The following KCNMA1 variants were observed in gnomAD, a reference collection of about 807,000 sequenced individuals.
The protein encoded by KCNMA1 is Calcium-activated potassium channel subunit alpha-1.
A neutral mutation model predicts 140.0 loss-of-function variants in KCNMA1; 29 were observed. The observed-to-expected ratio is 0.21, with a 90% CI of 0.15 to 0.28. The LOEUF is 0.28. KCNMA1 is among the 10% of genes least tolerant of loss of function. The probability of loss-of-function intolerance (pLI) is 1.00; values close to 1 mark genes in which losing one functional copy is unlikely to be tolerated. For synonymous variants in KCNMA1, 612 were observed against 611.9 expected, an observed-to-expected ratio of 1.00 and a Z score of 0.00; for missense variants, 880 against 1,602.2, an observed-to-expected ratio of 0.55 and a Z score of 7.70.
At chr10:76,969,878 G>T in intron 20 of KCNMA1, 96 bp downstream of exon 20, 9 of 935,658 alleles carry the variant, frequency 9.6e-6, no homozygotes, top group Non-Finnish European at 1.4e-5. Context: ...GCTTGCTGGG[G>T]AGGGGAGACT....
intron 5 of KCNMA1, 83 bp from the exon 6 acceptor site, chr10:77,121,131 C>A: frequency 1.1e-6 from 1 of 911,296 alleles, no homozygotes; most frequent in Non-Finnish European, 1.8e-6. Context: ...TTTACAGTTC[C>A]CAAGGGTCGA....
chr10:77,578,359 T>C lies in KCNMA1; in HGVS notation c.378+58906A>G, dbSNP rs1368186521. Among the ~76,000 whole-genome samples the C allele has an allele frequency of 5.3e-5, 8 of 152,340 alleles. No individual in the cohort carries two copies. The East Asian group carries it at 1.5e-3, about 29-fold the overall frequency. ...ACTCAACTGCTCTGGGTTTCAGCTT[T>C]GCTTCTTGAGATGAAGACAGGCCTA... On this transcript the variant is annotated intron_variant, in intron 1 of 27. Transcript: ENST00000286628.
At chr10:77,384,959 T>C (rs898817174) in intron 2 of KCNMA1, among the ~76,000 whole-genome samples, 1 of 152,230 alleles carries the variant, frequency 6.6e-6, no homozygotes, top group Admixed American at 6.5e-5. Context: ...TCAGTTCAGA[T>C]GCTTATTGGA....
At chr10:77,351,764 A>T (rs993978867) in intron 2 of KCNMA1, among the ~76,000 whole-genome samples, 2 of 152,244 alleles carry the variant, frequency 1.3e-5, no homozygotes, top group African/African-American at 4.8e-5. Context: ...AACAATGTTC[A>T]TCTCTTTAGA....
At chr10:77,038,178 A>G (rs2094452432) in intron 15 of KCNMA1, among the ~76,000 whole-genome samples, 1 of 152,166 alleles carries the variant, frequency 6.6e-6, no homozygotes, top group African/African-American at 2.4e-5. Context: ...GCTCCAGGTA[A>G]ACACGAAGCC....
At chr10:77,258,452 A>C (rs1404596699) in intron 2 of KCNMA1, among the ~76,000 whole-genome samples, 1 of 152,138 alleles carries the variant, frequency 6.6e-6, no homozygotes, top group East Asian at 1.9e-4. Context: ...TGCCATCACT[A>C]CAGAAAATTG....
At chr10:77,232,564 A>T (rs1284401768) in intron 3 of KCNMA1, among the ~76,000 whole-genome samples, 1 of 152,218 alleles carries the variant, frequency 6.6e-6, no homozygotes, top group Non-Finnish European at 1.5e-5. Flanking sequence ...TCTTCTTTAG[A>T]GAGAGATGTA....
chr10:77,462,365 G>GCA (rs770557498), intron 1 of KCNMA1, among the ~76,000 whole-genome samples: 7 of 151,988 alleles, frequency 4.6e-5, no homozygotes, highest in Admixed American at 4.6e-4. Context: ...GCATACATGT[G>GCA]CACACACACA....
At chr10:77,117,539 C>CAAAAAAAAAAAAAAAAAAAAAAAA (rs56926398) in intron 6 of KCNMA1, among the ~76,000 whole-genome samples, 14 of 22,512 alleles carry the variant, frequency 6.2e-4, no homozygotes, top group African/African-American at 9.1e-4. Flanking sequence ...GAGTCTATCT[C>CAAAAAAAAAAAAAAAAAAAAAAAA]AAAAAAAAAA....
chr10:77,453,747 G>C (rs1402087132), intron 1 of KCNMA1, among the ~76,000 whole-genome samples: 10 of 152,212 alleles, frequency 6.6e-5, no homozygotes, highest in South Asian at 6.2e-4. Context: ...GTCAGCAGAG[G>C]GACCCCCTTG....
chr10:77,383,593 T>C (rs532247345), intron 2 of KCNMA1, among the ~76,000 whole-genome samples: 2 of 152,246 alleles, frequency 1.3e-5, no homozygotes, highest in Non-Finnish European at 2.9e-5. Context: ...AAAAGTGAAA[T>C]TAATTTTAAT....
intron 1 of KCNMA1, among the ~76,000 whole-genome samples, chr10:77,491,753 A>ACC (rs1555386922): frequency 7.2e-6 from 1 of 139,860 alleles, no homozygotes; most frequent in Admixed American, 7.2e-5. Context: ...ACACACACAC[A>ACC]CCCTACATAT....
intron 14 of KCNMA1, among the ~76,000 whole-genome samples, chr10:77,042,745 T>C (rs940521746): frequency 1.1e-4 from 16 of 152,218 alleles, no homozygotes; most frequent in East Asian, 1.9e-4. Flanking sequence ...CCAAATTTTA[T>C]TGTAGGTGAA....
At chr10:77,551,471 A>G (rs1479338080) in intron 1 of KCNMA1, among the ~76,000 whole-genome samples, 2 of 152,330 alleles carry the variant, frequency 1.3e-5, no homozygotes, top group Admixed American at 6.5e-5. Context: ...TCAGACCTAT[A>G]GAAAGAAGAG....
At chr10:77,012,300 T>C in intron 17 of KCNMA1, 3 of 1,462,678 alleles carry the variant, frequency 2.1e-6, no homozygotes, top group African/African-American at 2.9e-5. Flanking sequence ...AAAAAGTTGC[T>C]GATGTGACAC....
intron 1 of KCNMA1, among the ~76,000 whole-genome samples, chr10:77,524,941 T>C (rs2055005804): frequency 6.6e-6 from 1 of 152,142 alleles, no homozygotes; most frequent in South Asian, 2.1e-4. Context: ...ATCCCCGGCC[T>C]CCCTCAGCAC....
intron 16 of KCNMA1, chr10:77,020,513 A>G (rs2092711861): frequency 6.6e-6 from 1 of 152,204 alleles, no homozygotes; most frequent in Non-Finnish European, 1.5e-5. Context: ...CTGCCCTACA[A>G]CCACAGGCAG....
At chr10:77,110,715 C>A (rs532452502) in intron 7 of KCNMA1, among the ~76,000 whole-genome samples, 1 of 152,232 alleles carries the variant, frequency 6.6e-6, no homozygotes, top group African/African-American at 2.4e-5. Context: ...CCAGAGATTC[C>A]GTCCCTGACC....
At position 76,917,626 on chromosome 10, in the gene KCNMA1, A is replaced by T. The variant is rs531118150; in HGVS notation, c.2903-2577T>A. Among the ~76,000 whole-genome samples the T allele has an allele frequency of 9.8e-4, 149 of 152,216 alleles. 1 individual carries two copies. The highest frequency in any genetic ancestry group is 2.0e-3 in the Non-Finnish European group (136 of 68,010). On this transcript the variant is annotated intron_variant, in intron 23 of 27. Transcript: ENST00000286628. Reference sequence around the variant, plus strand: ...CAAACTATGGTAGGTGTCCAAAGACATCTCTCTGTTGAAGGCCCAACTCTC... The same window carrying T: ...CAAACTATGGTAGGTGTCCAAAGACTTCTCTCTGTTGAAGGCCCAACTCTC...
Sources: allele counts gnomAD v4.1 joint callset (sites outside exome capture counted in the v4.1 genomes callset), GRCh38; gene constraint gnomAD v4.1.1; transcripts MANE v1.5; gene names NCBI Gene and HGNC (gene_info 2026-07-23, HGNC 2026-07-21).